Variants in OTOGL observed in about 807,000 individuals in gnomAD.
OTOGL encodes otogelin like.
OTOGL carries 285 observed loss-of-function variants against 318.5 expected under a neutral mutation model. That is an observed-to-expected ratio of 0.89 (90% CI 0.81 to 0.99). The LOEUF is 0.99. OTOGL is among the 50% of genes least tolerant of loss of function. OTOGL has a pLI of 0.00. For missense variants in OTOGL, 2,899 were observed against 2,845.6 expected (o/e 1.02, Z -0.43); for synonymous variants, 987 against 936.5 (o/e 1.05, Z -0.99).
rs571422061 is a variant in OTOGL at position 80,308,773 on chromosome 12, C to T, written c.3334-1838C>T. ...CGCGGTTAGGAGCTGGAGACCAGCC[C>T]GGCCAACACAGCGAATCCCCGTCTC... On this transcript the variant is annotated intron_variant, in intron 29 of 58. Coordinates refer to ENST00000547103, the MANE Select transcript of OTOGL (RefSeq NM_001378609.3). Among the ~76,000 whole-genome samples, 16 of 152,150 alleles carry T rather than the reference C, an allele frequency of 1.1e-4. No individual in the cohort carries two copies. The South Asian group carries it at 2.7e-3, about 26-fold the overall frequency.
rs1235420573 is a variant in OTOGL, at chr12:80,336,509, C to G, written c.4697C>G (p.Pro1566Arg). The G allele has an allele frequency of 6.2e-7, 1 of 1,609,430 alleles. No individual in the cohort carries two copies. Among genetic ancestry groups the G allele is most frequent in the African/African-American group, 1.3e-5 (1 of 74,716 alleles). The change falls in exon 40 of 59, where the codon CCT becomes CGT. Residue 1566 changes from proline to arginine, a missense_variant. Around this residue, in one of 3 missense-constraint regions of OTOGL, gnomAD observed 2,607 missense variants for 2,524.9 expected, o/e 1.03. Transcript: ENST00000547103. Reference protein sequence around the residue: ...SMASYILVRIPGEIIVAHIEK... With the variant: ...SMASYILVRIRGEIIVAHIEK... ...GCTTCTTATATCTTAGTAAGAATTCCTGGTGAAATTATAGTTGCTCATATC... is the reference window on the plus strand; with the variant it reads ...GCTTCTTATATCTTAGTAAGAATTCGTGGTGAAATTATAGTTGCTCATATC...
chr12:80,123,448 G>C (rs539679324), intron 1 of OTOGL, among the ~76,000 whole-genome samples: 3,341 of 152,234 alleles, frequency 0.022, 38 homozygotes, highest in Non-Finnish European at 0.031. Flanking sequence ...GGACATTTGG[G>C]TTGGTTCCAA....
At chr12:80,133,474 TTTC>T (rs1871359159) in intron 1 of OTOGL, 2 of 152,212 alleles carry the variant, frequency 1.3e-5, no homozygotes, top group South Asian at 4.1e-4. Flanking sequence ...CAAATGTTTC[TTTC>T]TTCTTTATTT....
chr12:80,259,934 C>T (rs1882390302), intron 18 of OTOGL, among the ~76,000 whole-genome samples: 1 of 152,062 alleles, frequency 6.6e-6, no homozygotes. Flanking sequence ...CCAATTCAGA[C>T]ATTATTTGCC....
Position 80,238,843 on chromosome 12 carries a change from T to C in OTOGL, c.818-8T>C, listed in dbSNP as rs752637887. The C allele has an allele frequency of 9.8e-6, 15 of 1,526,360 alleles. No individual in the cohort carries two copies. The highest frequency in any genetic ancestry group is 1.3e-5 in the Non-Finnish European group (15 of 1,142,794). The allele number at this position is 1,526,360 out of a possible 1,614,324, so 94.6% of individuals were successfully genotyped here. A position where few individuals can be genotyped will look rare whatever the true frequency, so the allele number is the denominator to read the frequency against. The stretch of plus-strand genomic sequence containing the variant: ...GTGTGTGTGTGTGTGTGTGCCTGTG[T>C]GAAATAGAGGACTATACAGAAGACA... On this transcript the variant is annotated splice_polypyrimidine_tract_variant and splice_region_variant and intron_variant, in intron 9 of 58. Coordinates refer to ENST00000547103, the MANE Select transcript of OTOGL (RefSeq NM_001378609.3).
intron 50 of OTOGL, 78 bp from the exon 51 acceptor site, chr12:80,358,593 G>T (rs1021351723): frequency 3.4e-5 from 38 of 1,117,254 alleles, no homozygotes; most frequent in Non-Finnish European, 4.7e-5. Context: ...TATTGTAATG[G>T]CAGTGAACTA....
At chr12:80,124,698 T>G (rs1870701475) in intron 1 of OTOGL, among the ~76,000 whole-genome samples, 1 of 152,196 alleles carries the variant, frequency 6.6e-6, no homozygotes, top group South Asian at 2.1e-4. Flanking sequence ...TTTGTTTGTA[T>G]CCTCTTTTAT....
intron 1 of OTOGL, among the ~76,000 whole-genome samples, chr12:80,127,008 G>A (rs1345517827): frequency 2.6e-5 from 4 of 152,116 alleles, no homozygotes; most frequent in African/African-American, 9.7e-5. Context: ...TTGCCAGTCC[G>A]TGTCTTTTAA....
At chr12:80,360,440 T>TC (rs1297112114) in intron 52 of OTOGL, among the ~76,000 whole-genome samples, 24 of 65,814 alleles carry the variant, frequency 3.6e-4, no homozygotes, top group East Asian at 1.1e-3. Flanking sequence ...TCTCTCCCCC[T>TC]CCCCCCCCTC....
At chr12:80,168,006 T>C (rs759901752) in intron 1 of OTOGL, among the ~76,000 whole-genome samples, 1 of 151,870 alleles carries the variant, frequency 6.6e-6, no homozygotes, top group Non-Finnish European at 1.5e-5. Flanking sequence ...CTCTTCTTTT[T>C]TTTTGGAGTG....
chr12:80,138,219 T>C (rs2137134703), intron 1 of OTOGL, among the ~76,000 whole-genome samples: 1 of 152,220 alleles, frequency 6.6e-6, no homozygotes, highest in African/African-American at 2.4e-5. Flanking sequence ...CCTTTCTTTC[T>C]GTTAGAAAGA....
Position 80,311,416 on chromosome 12 carries a change from A to G in OTOGL, c.3450+689A>G, listed in dbSNP as rs149316303. Among the ~76,000 whole-genome samples, 5 of 152,098 alleles carry G rather than the reference A, an allele frequency of 3.3e-5. No homozygotes were observed. The East Asian group carries it at 9.6e-4, about 29-fold the overall frequency. ...ATTCAGACAGGGATATTTGGCAGAT[A>G]TTTTCTTTCTTTCTTTCTTTTTATG... On this transcript the variant is annotated intron_variant, in intron 30 of 58. Transcript: ENST00000547103.
At chr12:80,212,019 G>A in intron 4 of OTOGL, 22 bp downstream of exon 4, 1 of 1,546,460 alleles carries the variant, frequency 6.5e-7, no homozygotes, top group Non-Finnish European at 8.7e-7. Flanking sequence ...TTCAGGTGGA[G>A]AGAGAGGCAG....
rs967643676 is a variant in OTOGL, at chr12:80,377,834, G to A, written c.6862-14G>A. On this transcript the variant is annotated splice_polypyrimidine_tract_variant and intron_variant, in intron 58 of 58. Transcript: ENST00000547103. ...AAAGTTTAAGACTTTTTTTCTCATTGTCACTTCTTACAGATAAATGTTGCA... is the reference window on the plus strand; with the variant it reads ...AAAGTTTAAGACTTTTTTTCTCATTATCACTTCTTACAGATAAATGTTGCA... 7.0e-6 allele frequency: 11 copies of A among 1,579,974 alleles called. No individual in the cohort carries two copies. The highest frequency in any genetic ancestry group is 2.3e-5 in the South Asian group (2 of 87,362).
chr12:80,164,647 A>G (rs576907417), intron 1 of OTOGL, among the ~76,000 whole-genome samples: 1 of 152,168 alleles, frequency 6.6e-6, no homozygotes, highest in South Asian at 2.1e-4. Context: ...AATCCATTGC[A>G]GTCATTATCC....
At chr12:80,232,796 AT>A (rs1879480380) in intron 8 of OTOGL, 95 bp from the exon 9 acceptor site, 1 of 1,057,996 alleles carries the variant, frequency 9.5e-7, no homozygotes, top group African/African-American at 1.6e-5. Context: ...TCAAGTAATC[AT>A]TTTCTTTTAA....
chr12:80,253,401 A>G (rs748523417), intron 13 of OTOGL, 65 bp from the exon 14 acceptor site: 33 of 1,415,036 alleles, frequency 2.3e-5, no homozygotes, highest in Non-Finnish European at 3.1e-5. Flanking sequence ...TTGAATTATT[A>G]TATTCCAGAA....
In OTOGL at chr12:80,228,493, C is replaced by T. The variant is rs185583855; in HGVS notation, c.490-764C>T. Reference sequence around the variant, plus strand: ...AACAAAAAAAACCCCAAAACAAAACCAAACCAAACAAAAAACCCGTATATT... The same window carrying T: ...AACAAAAAAAACCCCAAAACAAAACTAAACCAAACAAAAAACCCGTATATT... On this transcript the variant is annotated intron_variant, in intron 7 of 58. Coordinates refer to ENST00000547103, the MANE Select transcript of OTOGL (RefSeq NM_001378609.3). 4.4e-3 allele frequency among the ~76,000 whole-genome samples: 667 copies of T among 151,860 alleles called. 6 individuals are homozygous for T. Among genetic ancestry groups the T allele is most frequent in the African/African-American group, 0.015 (642 of 41,452 alleles).
intron 1 of OTOGL, among the ~76,000 whole-genome samples, chr12:80,202,564 C>A (rs544429985): frequency 6.6e-6 from 1 of 152,174 alleles, no homozygotes; most frequent in Non-Finnish European, 1.5e-5. Context: ...TGAGCCACCG[C>A]GCCCAGCCTG....
Sources: gnomAD v4.1 joint callset for allele counts (sites outside exome capture counted in the v4.1 genomes callset) on GRCh38, gnomAD v4.1.1 for gene constraint, gnomAD v4.1.1 regional missense constraint, MANE v1.5 for transcripts, NCBI Gene and HGNC (gene_info 2026-07-23, HGNC 2026-07-21) for gene names.